Variants in CCAR1 observed in about 807,000 individuals in gnomAD.
The protein encoded by CCAR1 is cell division cycle and apoptosis regulator 1.
CCAR1 carries 78 observed loss-of-function variants against 163.8 expected under a neutral mutation model. The ratio of observed to expected loss-of-function variants is 0.48; its 90% CI spans 0.40 to 0.57. The LOEUF (loss-of-function observed/expected upper bound fraction) is 0.57. Ranked by LOEUF, CCAR1 falls within the 20% of genes least tolerant of loss-of-function variation. The pLI is 0.00. For missense variants in CCAR1, 1,019 were observed against 1,365.2 expected (o/e 0.75, Z 4.00); for synonymous variants, 443 against 460.7 (o/e 0.96, Z 0.49).
chr10:68,770,340 G>A (rs1458514227), intron 17 of CCAR1, among the ~76,000 whole-genome samples: 1 of 152,168 alleles, frequency 6.6e-6, no homozygotes, highest in Non-Finnish European at 1.5e-5. Context: ...GTTTTTATCA[G>A]CTTTCTTCAG....
chr10:68,732,254 T>A (rs1376718311), intron 2 of CCAR1, among the ~76,000 whole-genome samples: 18 of 152,238 alleles, frequency 1.2e-4, no homozygotes, highest in Admixed American at 1.2e-3. Context: ...CAATTCAGAT[T>A]ATTAGAATTT....
In CCAR1 at chr10:68,789,711, T is replaced by A; in HGVS notation, c.3189T>A (p.Asp1063Glu). Residue 1063 changes from aspartate to glutamate, a missense_variant and splice_region_variant, in exon 24 of 25, where the codon GAT (aspartate) becomes GAA (glutamate). Transcript: ENST00000265872. ...QKLQLLEEKT[D>E]EDEKTILNLE... ...TAATTTTTGGATTTTTTTAAACAGA[T>A]GAAGATGAAAAAACCATATTAAATT... is the stretch of plus-strand genomic sequence containing the variant. 1 of 1,549,716 alleles carries A rather than the reference T, an allele frequency of 6.5e-7. No homozygotes were observed. The highest frequency in any genetic ancestry group is 1.4e-5 in the African/African-American group (1 of 71,912).
At chr10:68,778,735 A>T (rs1318119789) in intron 19 of CCAR1, among the ~76,000 whole-genome samples, 1 of 152,150 alleles carries the variant, frequency 6.6e-6, no homozygotes, top group Non-Finnish European at 1.5e-5. Flanking sequence ...TGTTGATAGG[A>T]TTATAGTTGT....
chr10:68,750,214 CTTTTTTTTTTTT>C (rs58204351), intron 10 of CCAR1, among the ~76,000 whole-genome samples: 3 of 52,972 alleles, frequency 5.7e-5, no homozygotes, highest in African/African-American at 1.4e-4. Flanking sequence ...TTTCTTTTTT[CTTTTTTTTTTTT>C]TTTTTTTGAG....
chr10:68,781,780 G>T (rs1369469547), intron 19 of CCAR1, among the ~76,000 whole-genome samples: 1 of 152,006 alleles, frequency 6.6e-6, no homozygotes, highest in Non-Finnish European at 1.5e-5. Context: ...GAGCCCAAGA[G>T]GTTGAGGTTG....
intron 2 of CCAR1, among the ~76,000 whole-genome samples, chr10:68,726,082 C>A (rs2055940303): frequency 6.7e-6 from 1 of 149,352 alleles, no homozygotes; most frequent in African/African-American, 2.5e-5. Context: ...CCGCCATATT[C>A]CAGCCTGGGT....
intron 19 of CCAR1, among the ~76,000 whole-genome samples, chr10:68,785,042 C>T (rs557858133): frequency 1.1e-4 from 16 of 151,096 alleles, no homozygotes; most frequent in South Asian, 6.3e-4. Flanking sequence ...CTCAGCCTCC[C>T]GAGTAGCTGG....
At chr10:68,772,915 A>G (rs2133151) in intron 18 of CCAR1, 73 bp from the exon 19 acceptor site, 1 of 725,898 alleles carries the variant, frequency 1.4e-6, no homozygotes, top group Non-Finnish European at 2.2e-6. Context: ...GTTGGAGACC[A>G]GCGTGGGCAA....
At chr10:68,789,017 C>A (rs558905476) in intron 23 of CCAR1, among the ~76,000 whole-genome samples, 1 of 151,984 alleles carries the variant, frequency 6.6e-6, no homozygotes, top group Admixed American at 6.6e-5. Context: ...TCAAGCGATT[C>A]TCCTGCCTCA....
chr10:68,750,264 G>A (rs1157878601), intron 10 of CCAR1, among the ~76,000 whole-genome samples: 1 of 137,622 alleles, frequency 7.3e-6, no homozygotes, highest in Non-Finnish European at 1.5e-5. Flanking sequence ...CACCCAGGTT[G>A]GAGTGCAGTG....
chr10:68,786,258 T>G, intron 20 of CCAR1, 40 bp downstream of exon 20: 1 of 1,284,388 alleles, frequency 7.8e-7, no homozygotes, highest in East Asian at 2.4e-5. Flanking sequence ...TATGGTGATA[T>G]CTTACATCAT....
At position 68,765,892 on chromosome 10, in the gene CCAR1, A is replaced by G; in HGVS notation, c.2111A>G (p.Glu704Gly). The G allele has an allele frequency of 2.5e-6, 4 of 1,610,874 alleles. No individual in the cohort carries two copies. The highest frequency in any genetic ancestry group is 2.5e-6 in the Non-Finnish European group (3 of 1,178,370). Reference sequence around the variant, plus strand: ...CTTGAAATTTGAAATATTTAGGAAGAAGAAAGGAAACGTCAAGAGGAAATA... The same window carrying G: ...CTTGAAATTTGAAATATTTAGGAAGGAGAAAGGAAACGTCAAGAGGAAATA... The part of the protein sequence containing the change: ...DRKSEDDKEE[E>G]ERKRQEEIER... The change falls in exon 17 of 25, where the codon GAA (glutamate) becomes GGA (glycine). Residue 704 changes from glutamate to glycine, a missense_variant. This residue lies in a region of CCAR1 where 644 missense variants were observed against 904.4 expected (regional missense o/e 0.71). Transcript: ENST00000265872.
Position 68,730,440 on chromosome 10 carries a change from T to G in CCAR1, c.74-6436T>G, listed in dbSNP as rs1223111851. 4.0e-5 allele frequency among the ~76,000 whole-genome samples: 6 copies of G among 151,224 alleles called. No homozygotes were observed. The East Asian group carries it at 7.9e-4, about 20-fold the overall frequency. ...GTAACCTCCACCTCTTGGGTTCAAG[T>G]GATTCTCCTGCCTCAGCCTGCTGAG... is the stretch of plus-strand genomic sequence containing the variant. On this transcript the variant is annotated intron_variant, in intron 2 of 24. Transcript: ENST00000265872.
chr10:68,764,382 A>C (rs535005171), intron 16 of CCAR1, among the ~76,000 whole-genome samples: 45 of 123,764 alleles, frequency 3.6e-4, no homozygotes, highest in African/African-American at 1.8e-3. Flanking sequence ...CCATCTCTAC[A>C]AAAAAAAAAA....
At chr10:68,743,264 T>C (rs1165757774) in intron 6 of CCAR1, among the ~76,000 whole-genome samples, 1 of 151,466 alleles carries the variant, frequency 6.6e-6, no homozygotes, top group Non-Finnish European at 1.5e-5. Flanking sequence ...TGGTTCGATC[T>C]CAGCTCACGG....
At chr10:68,772,203 A>G (rs2056612525) in intron 18 of CCAR1, among the ~76,000 whole-genome samples, 1 of 152,062 alleles carries the variant, frequency 6.6e-6, no homozygotes, top group Non-Finnish European at 1.5e-5. Context: ...CATTTATAGT[A>G]TGGGCATAGT....
chr10:68,759,865 T>G (rs1026837119), intron 15 of CCAR1, among the ~76,000 whole-genome samples: 1 of 152,186 alleles, frequency 6.6e-6, no homozygotes, highest in African/African-American at 2.4e-5. Flanking sequence ...GTGGTATTAT[T>G]ATTATTTTTA....
rs2056221508 is a variant in CCAR1, at chr10:68,744,119, A to G, written c.518+1550A>G. On this transcript the variant is annotated intron_variant, in intron 6 of 24. Coordinates refer to ENST00000265872, the MANE Select transcript of CCAR1 (RefSeq NM_018237.4). ...AGGCTGGTCTCGAACTCCTGACCTC[A>G]GGTGATCTGCACACCTCAGCCCTGC... Among the ~76,000 whole-genome samples, 3 of 152,164 alleles carry G rather than the reference A, an allele frequency of 2.0e-5. No individual in the cohort carries two copies. In the South Asian group the frequency reaches 6.2e-4, roughly 32 times the overall value.
intron 10 of CCAR1, among the ~76,000 whole-genome samples, chr10:68,750,551 C>T (rs1441700261): frequency 2.0e-5 from 3 of 152,036 alleles, no homozygotes; most frequent in Non-Finnish European, 4.4e-5. Flanking sequence ...CTGAGGTTCA[C>T]CTGCAAAACA....
Sources: allele counts gnomAD v4.1 joint callset (sites outside exome capture counted in the v4.1 genomes callset), GRCh38; gene constraint gnomAD v4.1.1; regional missense constraint gnomAD v4.1.1; transcripts MANE v1.5; gene names NCBI Gene and HGNC (gene_info 2026-07-23, HGNC 2026-07-21).